The following ARID1B variants were observed in gnomAD, a reference collection of about 807,000 sequenced individuals.
ARID1B encodes the protein AT-rich interaction domain 1B.
Under a neutral mutation model 212.3 loss-of-function variants are expected in ARID1B, and 30 were observed. The ratio of observed to expected loss-of-function variants is 0.14; its 90% CI spans 0.11 to 0.19. ARID1B has a LOEUF of 0.19. ARID1B is among the 10% of genes least tolerant of loss of function. The probability of loss-of-function intolerance (pLI) is 1.00; values close to 1 mark genes in which losing one functional copy is unlikely to be tolerated. For synonymous variants in ARID1B, 1,402 were observed against 1,301.7 expected (o/e 1.08, Z -1.66); for missense variants, 2,891 against 3,204.0 (o/e 0.90, Z 2.36).
intron 2 of ARID1B, among the ~76,000 whole-genome samples, chr6:156,892,116 T>A (rs1003691825): frequency 6.6e-6 from 1 of 150,440 alleles, no homozygotes; most frequent in Admixed American, 6.6e-5. Flanking sequence ...GCCAGGATGG[T>A]CTCTATCTCT....
chr6:156,989,320 T>C (rs1005488246), intron 4 of ARID1B, among the ~76,000 whole-genome samples: 1 of 152,234 alleles, frequency 6.6e-6, no homozygotes, highest in East Asian at 1.9e-4. Flanking sequence ...GATCGTCTTA[T>C]GTCCTGGTGG....
At chr6:157,181,694 A>G (rs1792548242) in intron 12 of ARID1B, among the ~76,000 whole-genome samples, 1 of 152,138 alleles carries the variant, frequency 6.6e-6, no homozygotes, top group South Asian at 2.1e-4. Flanking sequence ...GAGGTGTGAC[A>G]GGGGAGCTGC....
intron 8 of ARID1B, among the ~76,000 whole-genome samples, chr6:157,160,201 C>G (rs930867947): frequency 3.3e-5 from 5 of 152,206 alleles, no homozygotes; most frequent in Non-Finnish European, 4.4e-5. Flanking sequence ...TGACCCCAAA[C>G]CTCTGCTTCC....
chr6:157,047,780 C>T (rs2128547200), intron 4 of ARID1B, among the ~76,000 whole-genome samples: 1 of 152,286 alleles, frequency 6.6e-6, no homozygotes, highest in South Asian at 2.1e-4. Flanking sequence ...TATTTTGGCA[C>T]TAGTTTTTGA....
intron 4 of ARID1B, among the ~76,000 whole-genome samples, chr6:156,980,571 T>C (rs1257917133): frequency 1.3e-5 from 2 of 152,332 alleles, no homozygotes; most frequent in African/African-American, 4.8e-5. Flanking sequence ...GATACAGAGA[T>C]GAAACCACGC....
rs797045283 is a variant in ARID1B at position 157,207,109 on chromosome 6, C to G, written c.6337C>G (p.Arg2113Gly). 6.2e-7 allele frequency: 1 copy of G among 1,614,122 alleles called. No homozygotes were observed. Among genetic ancestry groups the G allele is most frequent in the South Asian group, 1.1e-5 (1 of 91,076 alleles). ...LLHHEHPERK[R>G]APQTYEKEED... ...TCACCACGAGCATCCAGAGAGAAAG[C>G]GAGCACCGCAGACCTATGAGAAAGA... Residue 2113 changes from arginine (R) to glycine (G), a missense_variant, in exon 20 of 20, where the codon CGA becomes GGA. Around this residue, in one of 7 missense-constraint regions of ARID1B, gnomAD observed 41 missense variants for 40.4 expected, o/e 1.01. Transcript: ENST00000636930. This position sits in a 1 kb window ranked among gnomAD's most constrained non-coding sequence, Gnocchi z 8.5.
At chr6:157,167,298 TG>T in intron 9 of ARID1B, 113 bp downstream of exon 9, 3 of 1,333,580 alleles carry the variant, frequency 2.2e-6, no homozygotes, top group Non-Finnish European at 3.0e-6. Flanking sequence ...TTGGCGAAAG[TG>T]GGAATCATAC....
chr6:157,113,947 C>A (rs1468754277), intron 6 of ARID1B, among the ~76,000 whole-genome samples: 1 of 152,134 alleles, frequency 6.6e-6, no homozygotes, highest in East Asian at 1.9e-4. Flanking sequence ...GATCAAATGC[C>A]ACCTGATCAG....
chr6:156,827,820 G>A (rs903159783), intron 1 of ARID1B, among the ~76,000 whole-genome samples: 8 of 136,302 alleles, frequency 5.9e-5, no homozygotes, highest in African/African-American at 1.9e-4. Flanking sequence ...GGCTGGAGTG[G>A]CACAATCTTG....
chr6:156,856,141 G>A lies in ARID1B; in HGVS notation c.1986+26720G>A, dbSNP rs541963743. On this transcript the variant is annotated intron_variant, in intron 2 of 19. Transcript: ENST00000636930. ...TTGAGGTCTTAGAGCAGTGCCTGGAGTGAGGTAAACAACATAAACTGATGT... is the reference window on the plus strand; with the variant it reads ...TTGAGGTCTTAGAGCAGTGCCTGGAATGAGGTAAACAACATAAACTGATGT... Among the ~76,000 whole-genome samples, 7 of 152,306 alleles carry A rather than the reference G, an allele frequency of 4.6e-5. No individual in the cohort carries two copies. The South Asian group carries it at 1.0e-3, about 23-fold the overall frequency.
intron 4 of ARID1B, among the ~76,000 whole-genome samples, chr6:156,953,050 A>G (rs1291406061): frequency 2.0e-5 from 3 of 152,238 alleles, no homozygotes; most frequent in Non-Finnish European, 2.9e-5. Flanking sequence ...AATCTGGTCA[A>G]CTGCGTAATT....
chr6:156,912,123 G>T (rs115157389), intron 3 of ARID1B, among the ~76,000 whole-genome samples: 2,203 of 152,000 alleles, frequency 0.014, 53 homozygotes, highest in African/African-American at 0.05. Flanking sequence ...AGGATTCCAC[G>T]TTACCCATTA....
intron 3 of ARID1B, among the ~76,000 whole-genome samples, chr6:156,904,317 G>A (rs914830594): frequency 6.6e-6 from 1 of 152,102 alleles, no homozygotes; most frequent in Admixed American, 6.5e-5. Context: ...AGCACATACA[G>A]CAATCCCTCA....
At chr6:157,124,727 A>G (rs1476728807) in intron 6 of ARID1B, among the ~76,000 whole-genome samples, 1 of 152,220 alleles carries the variant, frequency 6.6e-6, no homozygotes, top group Non-Finnish European at 1.5e-5. Flanking sequence ...GTAAGTATGT[A>G]AACATATGCA....
chr6:156,829,974 T>C (rs996347778), intron 2 of ARID1B, among the ~76,000 whole-genome samples: 11 of 152,204 alleles, frequency 7.2e-5, no homozygotes, highest in African/African-American at 2.7e-4. Context: ...TTTTGTTAGG[T>C]CTTGATGGGT....
At chr6:157,139,544 A>G (rs1789187675) in intron 7 of ARID1B, among the ~76,000 whole-genome samples, 1 of 152,048 alleles carries the variant, frequency 6.6e-6, no homozygotes, top group African/African-American at 2.4e-5. Context: ...TGTGTGGGGC[A>G]TGCAGTGCAC....
chr6:157,123,169 T>C (rs1787865415), intron 6 of ARID1B, among the ~76,000 whole-genome samples: 1 of 151,382 alleles, frequency 6.6e-6, no homozygotes, highest in Non-Finnish European at 1.5e-5. Flanking sequence ...TCGATGGGGA[T>C]TTTGAGATCT....
At chr6:156,873,539 A>C (rs1231261060) in intron 2 of ARID1B, among the ~76,000 whole-genome samples, 1 of 152,226 alleles carries the variant, frequency 6.6e-6, no homozygotes, top group Non-Finnish European at 1.5e-5. Context: ...AATCTGAATA[A>C]ATATTACTGA....
At chr6:156,905,457 A>G (rs1252864860) in intron 3 of ARID1B, among the ~76,000 whole-genome samples, 1 of 152,224 alleles carries the variant, frequency 6.6e-6, no homozygotes, top group African/African-American at 2.4e-5. Context: ...ACTTCAAACT[A>G]AATGGATAAG....
Sources: gnomAD v4.1 joint callset for allele counts (sites outside exome capture counted in the v4.1 genomes callset) on GRCh38, gnomAD v4.1.1 for gene constraint, gnomAD v4.1.1 regional missense constraint, Gnocchi (gnomAD v3.1) non-coding constraint, MANE v1.5 for transcripts, NCBI Gene and HGNC (gene_info 2026-07-23, HGNC 2026-07-21) for gene names.